Variants in CYP4X1 observed in about 807,000 individuals in gnomAD.
CYP4X1 encodes the protein cytochrome P450 family 4 subfamily X member 1.
Under a neutral mutation model 57.9 loss-of-function variants are expected in CYP4X1, and 44 were observed. The ratio of observed to expected loss-of-function variants is 0.76; its 90% CI spans 0.60 to 0.98. CYP4X1 has a LOEUF of 0.98. Ranked by LOEUF, CYP4X1 falls within the 50% of genes least tolerant of loss-of-function variation. CYP4X1 has a pLI of 0.00. For missense variants in CYP4X1, 532 were observed against 623.9 expected (o/e 0.85, Z 1.57); for synonymous variants, 227 against 228.6 (o/e 0.99, Z 0.06).
chr1:47,043,419 C>T (rs1216064763), intron 8 of CYP4X1, among the ~76,000 whole-genome samples: 1 of 151,972 alleles, frequency 6.6e-6, no homozygotes, highest in African/African-American at 2.4e-5. Flanking sequence ...GTTTACTCTG[C>T]TGATTATTTC....
chr1:47,032,007 C>T (rs1261079903), intron 3 of CYP4X1, among the ~76,000 whole-genome samples: 1 of 152,066 alleles, frequency 6.6e-6, no homozygotes, highest in Non-Finnish European at 1.5e-5. Flanking sequence ...TGTGCCACTG[C>T]ACTCCAGACT....
At chr1:47,003,908 C>T in the CYP4X1 span, among the ~76,000 whole-genome samples, 1 of 152,190 alleles carries the variant, frequency 6.6e-6, no homozygotes, top group Non-Finnish European at 1.5e-5. Context: ...TTACAAAATA[C>T]AATCATGCCT....
intron 4 of CYP4X1, among the ~76,000 whole-genome samples, chr1:47,035,601 G>C (rs1053481667): frequency 6.6e-6 from 1 of 152,182 alleles, no homozygotes; most frequent in Non-Finnish European, 1.5e-5. Context: ...TTTTCTCCAT[G>C]CTCCTTCTCA....
chr1:47,006,790 C>T, the CYP4X1 span, among the ~76,000 whole-genome samples: 259 of 152,326 alleles, frequency 1.7e-3, no homozygotes, highest in Non-Finnish European at 2.4e-3. Context: ...TTATATCCTG[C>T]GACTGGCTTG....
chr1:46,981,852 A>T, the CYP4X1 span, among the ~76,000 whole-genome samples: 2 of 152,174 alleles, frequency 1.3e-5, no homozygotes, highest in African/African-American at 4.8e-5. Flanking sequence ...TGAAGCTGGC[A>T]ACCATCATTC....
chr1:47,012,258 G>GA, the CYP4X1 span, among the ~76,000 whole-genome samples: 1 of 152,252 alleles, frequency 6.6e-6, no homozygotes, highest in East Asian at 1.9e-4. Context: ...GTCCTTTGTA[G>GA]GGACACGGAT....
At chr1:46,970,063 T>A in the CYP4X1 span, among the ~76,000 whole-genome samples, 86,150 of 152,050 alleles carry the variant, frequency 0.57, 26,204 homozygotes, top group Non-Finnish European at 0.69. Context: ...AGGCAAAGAC[T>A]TCAATGATTC....
the CYP4X1 span, among the ~76,000 whole-genome samples, chr1:46,968,472 C>T: frequency 6.6e-6 from 1 of 152,186 alleles, no homozygotes; most frequent in South Asian, 2.1e-4. Context: ...AGCCCATGTC[C>T]TTGTCCCATA....
At chr1:47,011,221 T>C in the CYP4X1 span, among the ~76,000 whole-genome samples, 3 of 152,026 alleles carry the variant, frequency 2.0e-5, no homozygotes, top group African/African-American at 4.8e-5. Flanking sequence ...TATAGACCAA[T>C]GGAACAGAAC....
At chr1:47,014,748 A>T in the CYP4X1 span, among the ~76,000 whole-genome samples, 2 of 152,028 alleles carry the variant, frequency 1.3e-5, no homozygotes, top group African/African-American at 4.8e-5. Flanking sequence ...CCTCTTTTCC[A>T]TCTCCTCTGG....
the CYP4X1 span, among the ~76,000 whole-genome samples, chr1:46,968,442 C>T: frequency 2.0e-5 from 3 of 152,262 alleles, no homozygotes; most frequent in African/African-American, 4.8e-5. Context: ...ACTGTTGCCT[C>T]GCCCACCTCT....
chr1:47,046,033 C>T (rs1644297576), intron 8 of CYP4X1, among the ~76,000 whole-genome samples: 1 of 152,182 alleles, frequency 6.6e-6, no homozygotes, highest in South Asian at 2.1e-4. Flanking sequence ...CTCTTGAAGC[C>T]TCTTGTTTAA....
At chr1:46,965,508 AC>A in the CYP4X1 span, among the ~76,000 whole-genome samples, 2 of 152,144 alleles carry the variant, frequency 1.3e-5, no homozygotes, top group African/African-American at 4.8e-5. Context: ...TGCACTGCAG[AC>A]CTTTGTTGCT....
the CYP4X1 span, among the ~76,000 whole-genome samples, chr1:47,010,038 G>A: frequency 6.6e-6 from 1 of 152,102 alleles, no homozygotes; most frequent in African/African-American, 2.4e-5. Context: ...AGAGAAAGAG[G>A]GAATCCTCCC....
the CYP4X1 span, among the ~76,000 whole-genome samples, chr1:47,012,190 A>C: frequency 6.6e-6 from 1 of 152,254 alleles, no homozygotes; most frequent in Non-Finnish European, 1.5e-5. Context: ...CTGGATTAAG[A>C]AAATGTGGCA....
intron 9 of CYP4X1, 135 bp from the exon 10 acceptor site, chr1:47,048,430 T>C: frequency 1.1e-6 from 1 of 906,546 alleles, no homozygotes; most frequent in Admixed American, 1.7e-5. Flanking sequence ...TCCTCACTGG[T>C]GTCATCAGCT....
the CYP4X1 span, among the ~76,000 whole-genome samples, chr1:46,970,355 C>T: frequency 2.4e-4 from 37 of 152,238 alleles, no homozygotes; most frequent in South Asian, 2.5e-3. Flanking sequence ...TCTGAAATGC[C>T]ACCTTTCTTT....
chr1:47,037,335 G>A (rs1204266610), intron 6 of CYP4X1, among the ~76,000 whole-genome samples: 5 of 141,320 alleles, frequency 3.5e-5, no homozygotes, highest in Admixed American at 1.5e-4. Context: ...GCAGTGGTGT[G>A]ATCTCAGCTC....
At chr1:46,969,811 T>C in the CYP4X1 span, among the ~76,000 whole-genome samples, 207 of 152,342 alleles carry the variant, frequency 1.4e-3, no homozygotes, top group African/African-American at 4.7e-3. Context: ...TTTTTGCTAA[T>C]GATGTGCTAA....
Sources: gnomAD v4.1 joint callset for allele counts (sites outside exome capture counted in the v4.1 genomes callset) on GRCh38, gnomAD v4.1.1 for gene constraint, MANE v1.5 for transcripts, NCBI Gene and HGNC (gene_info 2026-07-23, HGNC 2026-07-21) for gene names.